XIRP2: variants seen among roughly 807,000 people sequenced by gnomAD.
XIRP2 encodes the protein xin actin-binding repeat-containing protein 2.
XIRP2 carries 236 observed loss-of-function variants against 277.0 expected under a neutral mutation model. That is an observed-to-expected ratio of 0.85 (90% CI 0.77 to 0.95). The LOEUF is 0.95. Ranked by LOEUF, XIRP2 falls within the 40% of genes least tolerant of loss-of-function variation. XIRP2 has a pLI of 0.00. For synonymous variants in XIRP2, 1,490 were observed against 1,416.5 expected, an observed-to-expected ratio of 1.05 and a Z score of -1.17; for missense variants, 4,640 against 4,157.5, an observed-to-expected ratio of 1.12 and a Z score of -3.19.
intron 2 of XIRP2, among the ~76,000 whole-genome samples, chr2:166,905,425 C>T (rs958760831): frequency 6.6e-6 from 1 of 151,830 alleles, no homozygotes; most frequent in African/African-American, 2.4e-5. Context: ...GATAATAACA[C>T]ATTAATGAGT....
intron 2 of XIRP2, among the ~76,000 whole-genome samples, chr2:167,092,107 A>G (rs927700512): frequency 2.0e-5 from 3 of 152,138 alleles, no homozygotes; most frequent in Admixed American, 1.3e-4. Context: ...AGCTTTTAAA[A>G]TCATGTTGCT....
At chr2:167,035,210 G>A (rs1688477845) in intron 2 of XIRP2, among the ~76,000 whole-genome samples, 1 of 152,142 alleles carries the variant, frequency 6.6e-6, no homozygotes, top group Admixed American at 6.6e-5. Flanking sequence ...TGCTGTAGAT[G>A]CCCAAAAATG....
chr2:166,941,029 C>T (rs1221184861), intron 2 of XIRP2, among the ~76,000 whole-genome samples: 1 of 152,196 alleles, frequency 6.6e-6, no homozygotes, highest in African/African-American at 2.4e-5. Flanking sequence ...CTTGGCTCTG[C>T]CTTGCCCCGA....
At chr2:167,211,044 CTGAATT>C in intron 4 of XIRP2, 149 bp downstream of exon 4, 1 of 977,922 alleles carries the variant, frequency 1.0e-6, no homozygotes, top group Non-Finnish European at 1.5e-6. Context: ...TCCAGACTAT[CTGAATT>C]TAAGTTTCAA....
chr2:167,249,346 AAAGAT>A lies in XIRP2; in HGVS notation c.7960_7964del (p.Lys2654GlufsTer21). Reference sequence around the variant, plus strand: ...CCATGTTTTAGCAGCTTCAGAAGACAAAGATAAGATGAAAAAGGAAGTTTTACAAA... The same window carrying A: ...CCATGTTTTAGCAGCTTCAGAAGACAAAGATGAAAAAGGAAGTTTTACAAA... On this transcript the variant is annotated frameshift_variant, in exon 9 of 11. Transcript: ENST00000409195. LOFTEE classifies it high-confidence loss of function. The A allele has an allele frequency of 6.2e-7, 1 of 1,613,820 alleles. No individual in the cohort carries two copies. The highest frequency in any genetic ancestry group is 8.5e-7 in the Non-Finnish European group (1 of 1,179,812).
At chr2:167,070,496 T>C (rs1689410240) in intron 2 of XIRP2, among the ~76,000 whole-genome samples, 1 of 152,150 alleles carries the variant, frequency 6.6e-6, no homozygotes, top group Non-Finnish European at 1.5e-5. Flanking sequence ...CTGAACAGGA[T>C]AGTGAAATTG....
chr2:166,933,744 G>A (rs1179715016), intron 2 of XIRP2, among the ~76,000 whole-genome samples: 1 of 152,076 alleles, frequency 6.6e-6, no homozygotes, highest in East Asian at 1.9e-4. Flanking sequence ...CTAGGGTTGA[G>A]GAAGTTAACC....
At chr2:166,996,702 G>T (rs894515603) in intron 2 of XIRP2, among the ~76,000 whole-genome samples, 4 of 152,102 alleles carry the variant, frequency 2.6e-5, no homozygotes, top group Non-Finnish European at 4.4e-5. Context: ...TATATATCTA[G>T]TGTAATACAA....
chr2:166,998,497 G>A (rs182433949), intron 2 of XIRP2, among the ~76,000 whole-genome samples: 102 of 151,852 alleles, frequency 6.7e-4, no homozygotes, highest in African/African-American at 2.4e-3. Context: ...ATTAGCTGGG[G>A]GTGGTGGCAG....
chr2:166,986,675 G>A (rs1460113977), intron 2 of XIRP2, among the ~76,000 whole-genome samples: 1 of 152,196 alleles, frequency 6.6e-6, no homozygotes, highest in Non-Finnish European at 1.5e-5. Context: ...AATACTGAAT[G>A]TGAATGTATA....
chr2:167,092,478 C>A (rs1380848896), intron 2 of XIRP2, among the ~76,000 whole-genome samples: 1 of 152,062 alleles, frequency 6.6e-6, no homozygotes, highest in Non-Finnish European at 1.5e-5. Context: ...ATCCCACCAA[C>A]TAATACACTT....
At chr2:166,997,509 T>A (rs955415917) in intron 2 of XIRP2, among the ~76,000 whole-genome samples, 7 of 152,174 alleles carry the variant, frequency 4.6e-5, no homozygotes, top group Non-Finnish European at 4.4e-5. Context: ...AGTCTTTATC[T>A]CCTCAATGAA....
chr2:166,907,757 T>TC (rs68171362), intron 2 of XIRP2, among the ~76,000 whole-genome samples: 6 of 62,456 alleles, frequency 9.6e-5, no homozygotes, highest in Admixed American at 9.0e-4. Flanking sequence ...AGGCTATCCC[T>TC]CCCCCCCTCC....
chr2:166,903,983 A>G lies in XIRP2; in HGVS notation c.408+93A>G, dbSNP rs1684454834. 8 of 1,429,908 alleles carry G rather than the reference A, an allele frequency of 5.6e-6. No individual in the cohort carries two copies. In the South Asian group the frequency reaches 6.7e-5, roughly 12 times the overall value. The allele number at this position is 1,429,908 out of a possible 1,614,324, so 88.6% of individuals were successfully genotyped here. On this transcript the variant is annotated intron_variant, in intron 2 of 10. Transcript: ENST00000409195. Reference sequence around the variant, plus strand: ...TAAGCATGTAATCTTTCCCCCCGCCAGTATTCTAGACAGATGTCCTGAAGC... The same window carrying G: ...TAAGCATGTAATCTTTCCCCCCGCCGGTATTCTAGACAGATGTCCTGAAGC...
chr2:166,909,051 G>C (rs886225026), intron 2 of XIRP2, among the ~76,000 whole-genome samples: 2 of 152,180 alleles, frequency 1.3e-5, no homozygotes, highest in Non-Finnish European at 2.9e-5. Flanking sequence ...CAGGTAGCGT[G>C]ATGCCTCCAG....
chr2:166,912,824 A>G (rs554928465), intron 2 of XIRP2, among the ~76,000 whole-genome samples: 1 of 152,328 alleles, frequency 6.6e-6, no homozygotes, highest in African/African-American at 2.4e-5. Context: ...TCCTTCTAAC[A>G]GTCAGGACTC....
intron 1 of XIRP2, among the ~76,000 whole-genome samples, chr2:166,889,040 A>G (rs1468489316): frequency 6.6e-6 from 1 of 152,118 alleles, no homozygotes; most frequent in African/African-American, 2.4e-5. Flanking sequence ...CAGGGACCCA[A>G]GGGCATGAGC....
At chr2:166,997,400 C>T (rs1420786142) in intron 2 of XIRP2, among the ~76,000 whole-genome samples, 1 of 151,968 alleles carries the variant, frequency 6.6e-6, no homozygotes, top group Non-Finnish European at 1.5e-5. Context: ...AACAGCTACA[C>T]AAAAAAATGT....
chr2:167,177,421 C>T (rs1053804062), intron 3 of XIRP2, among the ~76,000 whole-genome samples: 3 of 152,148 alleles, frequency 2.0e-5, no homozygotes, highest in African/African-American at 7.2e-5. Context: ...TAAGGGAAAT[C>T]TGAAGTTGCA....
Sources: allele counts gnomAD v4.1 joint callset (sites outside exome capture counted in the v4.1 genomes callset), GRCh38; gene constraint gnomAD v4.1.1; transcripts MANE v1.5; gene names NCBI Gene and HGNC (gene_info 2026-07-23, HGNC 2026-07-21).